Variants in CTNNA2 observed in about 807,000 individuals in gnomAD.
CTNNA2 encodes catenin alpha 2.
In CTNNA2, 42 loss-of-function variants were observed where a neutral mutation model predicts 101.0. The observed-to-expected ratio is 0.42, with a 90% CI of 0.32 to 0.54. CTNNA2 has a LOEUF of 0.54. Among genes scored for constraint, CTNNA2 ranks in the 20% least tolerant of loss-of-function variants. The probability of loss-of-function intolerance (pLI) is 0.14; values close to 1 mark genes in which losing one functional copy is unlikely to be tolerated. For synonymous variants in CTNNA2, 450 were observed against 456.4 expected, an observed-to-expected ratio of 0.99 and a Z score of 0.18; for missense variants, 871 against 1,223.1, an observed-to-expected ratio of 0.71 and a Z score of 4.29.
At chr2:80,056,926 C>T (rs995590081) in intron 7 of CTNNA2, among the ~76,000 whole-genome samples, 2 of 152,120 alleles carry the variant, frequency 1.3e-5, no homozygotes, top group African/African-American at 4.8e-5. Context: ...TGCTCTCAGC[C>T]TAATGGTCTT....
At chr2:80,646,885 A>T (rs937501061) in intron 18 of CTNNA2, among the ~76,000 whole-genome samples, 11 of 152,198 alleles carry the variant, frequency 7.2e-5, no homozygotes, top group African/African-American at 2.4e-4. Flanking sequence ...TCTCATTCTA[A>T]AAGGGCATGA....
At chr2:80,241,587 ATATCTATCTATC>A (rs3067148) in intron 7 of CTNNA2, among the ~76,000 whole-genome samples, 240 of 148,408 alleles carry the variant, frequency 1.6e-3, no homozygotes, top group African/African-American at 4.2e-3. Flanking sequence ...TGCATCTATT[ATATCTATCTATC>A]TATCTATCTA....
At chr2:80,324,166 A>G (rs946832269) in intron 7 of CTNNA2, among the ~76,000 whole-genome samples, 1 of 152,194 alleles carries the variant, frequency 6.6e-6, no homozygotes, top group Non-Finnish European at 1.5e-5. Context: ...TACCTGTTCT[A>G]AAGTTTCAAT....
intron 18 of CTNNA2, among the ~76,000 whole-genome samples, chr2:80,635,354 A>T (rs2149839904): frequency 6.6e-6 from 1 of 152,316 alleles, no homozygotes; most frequent in South Asian, 2.1e-4. Context: ...GACTGCTCAA[A>T]TTTAAAACTA....
chr2:80,252,462 C>T (rs1167963611), intron 7 of CTNNA2, among the ~76,000 whole-genome samples: 1 of 152,130 alleles, frequency 6.6e-6, no homozygotes, highest in East Asian at 1.9e-4. Context: ...GTTCTTGGCT[C>T]AGCCTCTTGG....
Position 80,303,512 on chromosome 2 carries a change from G to A in CTNNA2, c.1057-89699G>A, listed in dbSNP as rs778573332. The A allele has an allele frequency of 4.3e-5, 69 of 1,614,126 alleles. No individual in the cohort carries two copies. Among genetic ancestry groups the A allele is most frequent in the Non-Finnish European group, 4.8e-5 (57 of 1,180,056 alleles). The stretch of plus-strand genomic sequence containing the variant: ...TTTCTGAAAGGCGTCCCCCTGCACG[G>A]AGCAGATGTGATTGTGATCCAGATA... On this transcript the variant is annotated intron_variant, in intron 7 of 18. Transcript: ENST00000402739. This position sits in a 1 kb window ranked among gnomAD's most constrained non-coding sequence, Gnocchi z 7.7.
intron 7 of CTNNA2, among the ~76,000 whole-genome samples, chr2:79,938,288 C>T (rs548707195): frequency 1.3e-5 from 2 of 152,188 alleles, no homozygotes; most frequent in South Asian, 2.1e-4. Context: ...ATTTGTAGAA[C>T]AGAATTTGGA....
intron 6 of CTNNA2, among the ~76,000 whole-genome samples, chr2:79,882,269 T>A (rs759970569): frequency 7.3e-5 from 11 of 151,420 alleles, no homozygotes; most frequent in Non-Finnish European, 1.3e-4. Context: ...TTGGAGAATC[T>A]GATGATTATG....
At chr2:79,230,901 G>T (rs1674482871) in intron 2 of CTNNA2, among the ~76,000 whole-genome samples, 1 of 152,212 alleles carries the variant, frequency 6.6e-6, no homozygotes, top group African/African-American at 2.4e-5. Flanking sequence ...AGATTTGCAT[G>T]GGGCCTATAG....
At position 80,556,819 on chromosome 2, in the gene CTNNA2, A is replaced by AT. The variant is rs571143078; in HGVS notation, c.1741+927dup. Among the ~76,000 whole-genome samples, 298 of 152,318 alleles carry AT rather than the reference A, an allele frequency of 2.0e-3. 2 individuals are homozygous for AT. The highest frequency in any genetic ancestry group is 6.8e-3 in the African/African-American group (283 of 41,570). On this transcript the variant is annotated intron_variant, in intron 12 of 18. Transcript: ENST00000402739. ...TTGTTAATGAATAATGAATTGGTGC[A>AT]TATATATGCACAGAAGGGCCTCTCC...
At chr2:79,618,907 A>G (rs894051211) in intron 1 of CTNNA2, among the ~76,000 whole-genome samples, 3 of 152,220 alleles carry the variant, frequency 2.0e-5, no homozygotes, top group East Asian at 3.9e-4. Context: ...TGAGCACCCA[A>G]TTAAAAGTGG....
At chr2:80,637,894 G>A (rs1325906179) in intron 18 of CTNNA2, among the ~76,000 whole-genome samples, 1 of 152,182 alleles carries the variant, frequency 6.6e-6, no homozygotes, top group African/African-American at 2.4e-5. Flanking sequence ...TTGCATGCTG[G>A]AGGGTAGGAG....
intron 9 of CTNNA2, among the ~76,000 whole-genome samples, chr2:80,493,495 T>C (rs753678258): frequency 6.6e-6 from 1 of 152,150 alleles, no homozygotes; most frequent in Non-Finnish European, 1.5e-5. Flanking sequence ...AATGGGAAGA[T>C]GGACTTCCCA....
At chr2:79,857,502 G>A (rs1681232520) in intron 3 of CTNNA2, among the ~76,000 whole-genome samples, 1 of 152,208 alleles carries the variant, frequency 6.6e-6, no homozygotes, top group Admixed American at 6.5e-5. Context: ...TGGTTACTAA[G>A]AGGATTAGAA....
At position 80,439,414 on chromosome 2, in the gene CTNNA2, CAG is replaced by C. The variant is rs368000966; in HGVS notation, c.1290+19816_1290+19817del. ...TTTTTGTTTTGTTTTGTTTTTGAGA[CAG>C]AGTCTCACTCTGTCTCCCAGGCTGC... On this transcript the variant is annotated intron_variant, in intron 9 of 18. Transcript: ENST00000402739. Among the ~76,000 whole-genome samples, 200 of 152,166 alleles carry C rather than the reference CAG, an allele frequency of 1.3e-3. 1 individual carries two copies. The highest frequency in any genetic ancestry group is 4.6e-3 in the African/African-American group (190 of 41,538).
intron 3 of CTNNA2, among the ~76,000 whole-genome samples, chr2:79,811,716 T>A (rs1322916981): frequency 1.3e-5 from 2 of 152,190 alleles, no homozygotes; most frequent in African/African-American, 2.4e-5. Flanking sequence ...TCTTTGCTTT[T>A]CTACATAATT....
intron 9 of CTNNA2, among the ~76,000 whole-genome samples, chr2:80,479,127 A>G (rs768125317): frequency 6.6e-6 from 1 of 152,024 alleles, no homozygotes; most frequent in African/African-American, 2.4e-5. Flanking sequence ...AAAAACACAT[A>G]TAAGTATTTT....
At chr2:79,501,311 G>A (rs1472259306) in intron 4 of CTNNA2, among the ~76,000 whole-genome samples, 1 of 152,124 alleles carries the variant, frequency 6.6e-6, no homozygotes, top group African/African-American at 2.4e-5. Context: ...ATGGAGTCTT[G>A]CCCTATCACT....
At chr2:79,563,206 G>T in intron 1 of CTNNA2, among the ~76,000 whole-genome samples, 1 of 142,322 alleles carries the variant, frequency 7.0e-6, no homozygotes, top group African/African-American at 2.7e-5. Flanking sequence ...CATTCTCTCA[G>T]TACTATTTTC....
Sources: gnomAD v4.1 joint callset for allele counts (sites outside exome capture counted in the v4.1 genomes callset) on GRCh38, gnomAD v4.1.1 for gene constraint, Gnocchi (gnomAD v3.1) non-coding constraint, MANE v1.5 for transcripts, NCBI Gene and HGNC (gene_info 2026-07-23, HGNC 2026-07-21) for gene names.